The following PIK3R3 variants were observed in gnomAD, a reference collection of about 807,000 sequenced individuals.
PIK3R3 encodes phosphatidylinositol 3-kinase regulatory subunit gamma.
PIK3R3 carries 64 observed loss-of-function variants against 62.9 expected under a neutral mutation model. The ratio of observed to expected loss-of-function variants is 1.02; its 90% CI spans 0.83 to 1.25. The LOEUF (loss-of-function observed/expected upper bound fraction) is 1.25, where lower values mean the gene tolerates loss of function less well. PIK3R3 is among the 50% of genes most tolerant of loss of function. The pLI is 0.00. For missense variants in PIK3R3, 614 were observed against 561.6 expected (o/e 1.09, Z -0.94); for synonymous variants, 165 against 189.0 (o/e 0.87, Z 1.04).
the PIK3R3 span, among the ~76,000 whole-genome samples, chr1:46,144,230 C>T: frequency 5.9e-5 from 9 of 152,258 alleles, no homozygotes; most frequent in East Asian, 1.7e-3. Flanking sequence ...GGAAGCCGGT[C>T]TTCAGAAAGC....
chr1:46,118,844 C>T (rs891428708), intron 1 of PIK3R3, among the ~76,000 whole-genome samples: 14 of 152,088 alleles, frequency 9.2e-5, no homozygotes, highest in Admixed American at 2.6e-4. Flanking sequence ...GCATGAGCCA[C>T]CACGCCCAGC....
intron 3 of PIK3R3, among the ~76,000 whole-genome samples, chr1:46,077,071 T>C (rs1475527752): frequency 2.0e-5 from 3 of 152,072 alleles, no homozygotes; most frequent in Admixed American, 6.5e-5. Flanking sequence ...AATATGCCCA[T>C]ATGAAAAGCA....
At chr1:46,056,698 A>T (rs921063878) in intron 6 of PIK3R3, 3 of 152,242 alleles carry the variant, frequency 2.0e-5, no homozygotes, top group Non-Finnish European at 4.4e-5. Flanking sequence ...CAGCAGCTAT[A>T]CTGTCACTTC....
At chr1:46,163,572 A>C in the PIK3R3 span, among the ~76,000 whole-genome samples, 1 of 152,212 alleles carries the variant, frequency 6.6e-6, no homozygotes, top group African/African-American at 2.4e-5. Context: ...GACAGAAAAC[A>C]AGATGATGCT....
intron 1 of PIK3R3, among the ~76,000 whole-genome samples, chr1:46,128,308 G>A (rs1186071841): frequency 6.6e-6 from 1 of 152,062 alleles, no homozygotes; most frequent in Non-Finnish European, 1.5e-5. Flanking sequence ...GGTAGCATGC[G>A]CCTGTGTAGT....
chr1:46,078,408 G>C (rs1023303604), intron 2 of PIK3R3, among the ~76,000 whole-genome samples: 4 of 152,066 alleles, frequency 2.6e-5, no homozygotes. Flanking sequence ...GTGGTGGCAG[G>C]GCAAGCGCCT....
At chr1:46,120,195 C>T (rs533614873) in intron 1 of PIK3R3, among the ~76,000 whole-genome samples, 1 of 152,276 alleles carries the variant, frequency 6.6e-6, no homozygotes, top group African/African-American at 2.4e-5. Flanking sequence ...TGTTAGCTTC[C>T]TCATCTTCTA....
the PIK3R3 span, among the ~76,000 whole-genome samples, chr1:46,158,576 C>A: frequency 6.6e-6 from 1 of 152,198 alleles, no homozygotes; most frequent in African/African-American, 2.4e-5. Context: ...CTGTTCTCTC[C>A]CCCATGGGAC....
At chr1:46,170,727 G>C in the PIK3R3 span, among the ~76,000 whole-genome samples, 2 of 152,130 alleles carry the variant, frequency 1.3e-5, no homozygotes, top group Non-Finnish European at 2.9e-5. Context: ...GGCCCTGCCT[G>C]GTTTAAGCTT....
chr1:46,161,446 C>T, the PIK3R3 span, among the ~76,000 whole-genome samples: 174 of 152,174 alleles, frequency 1.1e-3, 1 homozygote, highest in African/African-American at 3.9e-3. Context: ...AAAACAGGTA[C>T]ATTAATATCA....
chr1:46,162,412 A>G, the PIK3R3 span, among the ~76,000 whole-genome samples: 15 of 152,188 alleles, frequency 9.9e-5, no homozygotes, highest in Non-Finnish European at 1.6e-4. Flanking sequence ...CAGAGGTTGC[A>G]GTGAACCGAG....
intron 3 of PIK3R3, among the ~76,000 whole-genome samples, chr1:46,071,283 C>T (rs893179663): frequency 1.3e-5 from 2 of 152,072 alleles, no homozygotes; most frequent in Non-Finnish European, 2.9e-5. Flanking sequence ...CCATAAAAAT[C>T]CCATTTATGC....
the PIK3R3 span, among the ~76,000 whole-genome samples, chr1:46,160,678 C>T: frequency 1.3e-5 from 2 of 152,242 alleles, no homozygotes; most frequent in Admixed American, 6.5e-5. Flanking sequence ...GTCCTCTATC[C>T]TTAATCCCGT....
the PIK3R3 span, among the ~76,000 whole-genome samples, chr1:46,174,130 G>A: frequency 5.3e-5 from 8 of 152,216 alleles, no homozygotes; most frequent in Admixed American, 2.0e-4. Flanking sequence ...TTGTGTCTGC[G>A]TATATCTGCT....
chr1:46,047,467 A>AG (rs1647146990), intron 7 of PIK3R3, among the ~76,000 whole-genome samples: 3 of 151,682 alleles, frequency 2.0e-5, no homozygotes, highest in Non-Finnish European at 2.9e-5. Flanking sequence ...AAAGAAAGAA[A>AG]AGAAAAAATC....
At chr1:46,081,151 CA>C (rs1189852080) in intron 1 of PIK3R3, among the ~76,000 whole-genome samples, 3 of 150,980 alleles carry the variant, frequency 2.0e-5, no homozygotes, top group South Asian at 2.1e-4. Context: ...TTCTTACTAC[CA>C]AAAAAAAGGG....
the PIK3R3 span, among the ~76,000 whole-genome samples, chr1:46,174,581 A>G: frequency 6.6e-6 from 1 of 152,164 alleles, no homozygotes; most frequent in Admixed American, 6.5e-5. Context: ...CAGATCTCGG[A>G]CCGGTGCAAC....
At chr1:46,072,906 T>A (rs1474733725) in intron 3 of PIK3R3, among the ~76,000 whole-genome samples, 1 of 151,746 alleles carries the variant, frequency 6.6e-6, no homozygotes, top group African/African-American at 2.4e-5. Context: ...ATCACTGTAC[T>A]CTAGCCTGAG....
chr1:46,046,635 G>T lies in PIK3R3; in HGVS notation c.942-10C>A. 6.3e-7 allele frequency: 1 copy of T among 1,598,706 alleles called. No homozygotes were observed. The highest frequency in any genetic ancestry group is 8.6e-7 in the Non-Finnish European group (1 of 1,166,000). On this transcript the variant is annotated splice_polypyrimidine_tract_variant and intron_variant, in intron 7 of 9. Coordinates refer to ENST00000262741, the MANE Select transcript of PIK3R3 (RefSeq NM_003629.4). The stretch of plus-strand genomic sequence containing the variant: ...TTTGTGATTGAGCCATCTGCCAGAG[G>T]AAAGACACCAGTGTCAGTATCCATG...
Sources: gnomAD v4.1 joint callset for allele counts (sites outside exome capture counted in the v4.1 genomes callset) on GRCh38, gnomAD v4.1.1 for gene constraint, MANE v1.5 for transcripts, NCBI Gene and HGNC (gene_info 2026-07-23, HGNC 2026-07-21) for gene names.